The following PAPLN variants were observed in gnomAD, a reference collection of about 807,000 sequenced individuals.
PAPLN encodes papilin.
Under a neutral mutation model 159.0 loss-of-function variants are expected in PAPLN, and 146 were observed. The ratio of observed to expected loss-of-function variants is 0.92; its 90% confidence interval spans 0.80 to 1.05. The LOEUF (loss-of-function observed/expected upper bound fraction) is 1.05, where lower values mean the gene tolerates loss of function less well. Among genes scored for constraint, PAPLN ranks in the 50% least tolerant of loss-of-function variants. The probability of loss-of-function intolerance (pLI) is 0.00; values close to 1 mark genes in which losing one functional copy is unlikely to be tolerated. For missense variants in PAPLN, 1,720 were observed against 1,743.9 expected, an observed-to-expected ratio of 0.99 and a Z score of 0.24; for synonymous variants, 734 against 702.9, an observed-to-expected ratio of 1.04 and a Z score of -0.70.
intron 7 of PAPLN, 103 bp downstream of exon 7, chr14:73,251,133 A>G: frequency 6.7e-7 from 1 of 1,501,986 alleles, no homozygotes; most frequent in South Asian, 1.3e-5. Flanking sequence ...AGTGGCCCTC[A>G]TGGCACTGGA....
In PAPLN at chr14:73,272,569, C is replaced by G; in HGVS notation, c.3742C>G (p.Leu1248Val). The G allele has an allele frequency of 6.2e-7, 1 of 1,603,920 alleles. No homozygotes were observed. Among genetic ancestry groups the G allele is most frequent in the Non-Finnish European group, 8.5e-7 (1 of 1,171,506 alleles). Residue 1248 changes from leucine (L) to valine (V), a missense_variant, in exon 27 of 27, where the codon CTG becomes GTG. By Grantham distance (32) the Leu-to-Val change is conservative (BLOSUM62 1). Coordinates refer to ENST00000644200, the MANE Select transcript of PAPLN (RefSeq NM_001365906.3). The stretch of plus-strand genomic sequence containing the variant: ...AGAGCTGGCCAACTGTGATTTGATC[C>G]TGCAGGCCCAGCTTTGTGGCAATGA... Reference protein sequence around the residue: ...QPELANCDLILQAQLCGNEYY... With the variant: ...QPELANCDLIVQAQLCGNEYY...
At position 73,261,144 on chromosome 14, in the gene PAPLN, T is replaced by C. The variant is rs1412487773; in HGVS notation, c.2107-12T>C. 6.2e-7 allele frequency: 1 copy of C among 1,613,972 alleles called. No individual in the cohort carries two copies. Reference sequence around the variant, plus strand: ...CCACTGCCCACTTCCCAATCATGGGTTTCCTCCCCAGGTCCACAACACCCA... The same window carrying C: ...CCACTGCCCACTTCCCAATCATGGGCTTCCTCCCCAGGTCCACAACACCCA... On this transcript the variant is annotated splice_polypyrimidine_tract_variant and intron_variant, in intron 17 of 26. Coordinates refer to ENST00000644200, the MANE Select transcript of PAPLN (RefSeq NM_001365906.3).
rs58861559 is a variant in PAPLN at position 73,273,297 on chromosome 14, ATTTT to A, written c.*640_*643del. The A allele has an allele frequency of 8.0e-6, 1 of 125,306 alleles. No homozygotes were observed. The highest frequency in any genetic ancestry group is 1.7e-5 in the Non-Finnish European group (1 of 59,954). 7.8% of individuals were successfully genotyped at this position (125,306 alleles called of 1,614,324 possible). A position where few individuals can be genotyped will look rare whatever the true frequency, so the allele number is the denominator to read the frequency against. The stretch of plus-strand genomic sequence containing the variant: ...GCCCAGCCATCAATGCATTTTTTTT[ATTTT>A]TTTTTTGAGACAGAGTTTCGCACTT... On this transcript the variant is annotated 3_prime_UTR_variant, in exon 27 of 27. Transcript: ENST00000644200.
intron 5 of PAPLN, among the ~76,000 whole-genome samples, chr14:73,248,590 G>A (rs1337778372): frequency 1.3e-5 from 2 of 152,096 alleles, no homozygotes. Context: ...GATCACTTGA[G>A]TCCAGGAATT....
chr14:73,263,038 G>C (rs957766281), intron 19 of PAPLN: 1 of 448,176 alleles, frequency 2.2e-6, no homozygotes, highest in Non-Finnish European at 3.8e-6. Context: ...ATGTCTAATA[G>C]ACATCTGTGC....
rs1886319209 is a variant in PAPLN, at chr14:73,259,510, G to T, written c.1950G>T (p.Trp650Cys). The T allele has an allele frequency of 3.1e-6, 5 of 1,596,836 alleles. No individual in the cohort carries two copies. The highest frequency in any genetic ancestry group is 4.3e-6 in the Non-Finnish European group (5 of 1,171,386). The change falls in exon 16 of 27, where the codon TGG becomes TGT. Residue 650 changes from tryptophan (W) to cysteine (C), a missense_variant. By Grantham distance (215) the Trp-to-Cys change is radical. Coordinates refer to ENST00000644200, the MANE Select transcript of PAPLN (RefSeq NM_001365906.3). ...ACACGGCATCTCTCGGGCCTCAGTGGCAAGGCTGCCCTGGGGCCCCCTGTC... is the reference window on the plus strand; with the variant it reads ...ACACGGCATCTCTCGGGCCTCAGTGTCAAGGCTGCCCTGGGGCCCCCTGTC... ...DGHTASLGPQWQGCPGAPCQQ... is the reference protein window; with the variant it reads ...DGHTASLGPQCQGCPGAPCQQ...
chr14:73,263,158 C>T (rs564061344), intron 19 of PAPLN: 81 of 347,848 alleles, frequency 2.3e-4, no homozygotes, highest in Non-Finnish European at 3.9e-4. Context: ...CCAACTTCTC[C>T]AAGCCTCAGT....
In PAPLN at chr14:73,254,536, C is replaced by T. The variant is rs750029276; in HGVS notation, c.1326C>T (p.Gly442=). The T allele has an allele frequency of 1.2e-5, 20 of 1,613,998 alleles. No individual in the cohort carries two copies. The highest frequency in any genetic ancestry group is 2.2e-5 in the South Asian group (2 of 91,090). ...AGTGTTCTGTCAGTTGTGGCGTTGG[C>T]GTCCGGAAGCGGAGCGTTACTTGCC... is the stretch of plus-strand genomic sequence containing the variant. ...WGECSVSCGV[G]VRKRSVTCRG... Residue 442 remains glycine, a synonymous_variant, in exon 13 of 27, where the codon GGC becomes GGT. Transcript: ENST00000644200.
At chr14:73,272,343 G>A (rs1281863431) in intron 26 of PAPLN, 152 bp from the exon 27 acceptor site, 9 of 649,452 alleles carry the variant, frequency 1.4e-5, no homozygotes, top group South Asian at 3.3e-5. Context: ...GAGTTTGTAC[G>A]TATGGTTAAA....
intron 11 of PAPLN, 65 bp from the exon 12 acceptor site, chr14:73,253,689 A>C (rs1348443368): frequency 2.8e-6 from 4 of 1,451,102 alleles, no homozygotes; most frequent in Non-Finnish European, 3.7e-6. Context: ...GAGGGCAGAA[A>C]CCCTCAGGGC....
chr14:73,262,375 C>T lies in PAPLN; in HGVS notation c.2271C>T (p.Pro757=). The stretch of plus-strand genomic sequence containing the variant: ...CCTACCCCGTGCGGTGCCTGCTGCC[C>T]AGTGCCCATGGCTCTTGCGCAGACT... ...SHAYPVRCLL[P]SAHGSCADWA... Residue 757 remains proline (P), a synonymous_variant, in exon 19 of 27, where the codon CCC becomes CCT. Transcript: ENST00000644200. The T allele has an allele frequency of 6.2e-7, 1 of 1,613,520 alleles. No homozygotes were observed. The highest frequency in any genetic ancestry group is 8.5e-7 in the Non-Finnish European group (1 of 1,179,700).
chr14:73,262,976 C>A, intron 19 of PAPLN, 149 bp downstream of exon 19: 1 of 655,086 alleles, frequency 1.5e-6, no homozygotes, highest in Non-Finnish European at 2.3e-6. Context: ...GCCTTGTTGC[C>A]ATCATTCTAC....
At position 73,264,726 on chromosome 14, in the gene PAPLN, G is replaced by C. The variant is rs777168232; in HGVS notation, c.3125G>C (p.Arg1042Thr). The C allele has an allele frequency of 1.9e-6, 3 of 1,612,744 alleles. No individual in the cohort carries two copies. The South Asian group carries it at 3.3e-5, about 18-fold the overall frequency. Residue 1042 changes from arginine to threonine, a missense_variant and splice_region_variant, in exon 22 of 27, where the codon AGG (arginine) becomes ACG (threonine). Physicochemically the swap from Arg to Thr is moderately conservative, Grantham distance 71. Transcript: ENST00000644200. ...IPSSHPQPAN[R>T]LRLDQNQPRV... ...TCTTCACACCCACAGCCTGCAAACA[G>C]GTAAGAACTCAGCAATGCCATCTTG...
intron 5 of PAPLN, among the ~76,000 whole-genome samples, chr14:73,248,787 A>T (rs1276327014): frequency 1.3e-5 from 2 of 151,908 alleles, no homozygotes; most frequent in Non-Finnish European, 1.5e-5. Context: ...ACACCACTGC[A>T]CTCCAGCCCG....
intron 2 of PAPLN, among the ~76,000 whole-genome samples, chr14:73,241,932 G>T (rs61986930): frequency 0.056 from 8,595 of 152,308 alleles, 333 homozygotes; most frequent in Non-Finnish European, 0.089. Context: ...ACCCCTGAGT[G>T]GCTCCAGGTG....
intron 15 of PAPLN, 64 bp downstream of exon 15, chr14:73,259,123 A>G (rs1284992983): frequency 2.6e-6 from 4 of 1,554,538 alleles, no homozygotes; most frequent in East Asian, 2.3e-5. Context: ...TGGATGGTAC[A>G]TGGGGGTGTG....
upstream of PAPLN, among the ~76,000 whole-genome samples, chr14:73,235,995 A>T (rs1053238587): frequency 6.6e-6 from 1 of 152,208 alleles, no homozygotes; most frequent in Non-Finnish European, 1.5e-5. Flanking sequence ...CTTTGCCCAA[A>T]TGAGGCCAAG....
intron 25 of PAPLN, among the ~76,000 whole-genome samples, chr14:73,267,973 C>T (rs1003942409): frequency 3.3e-5 from 5 of 152,058 alleles, no homozygotes; most frequent in African/African-American, 7.3e-5. Flanking sequence ...GCAGTGGGGC[C>T]GCATGTCAGC....
Position 73,266,486 on chromosome 14 carries a change from G to T in PAPLN, c.3264-15G>T, listed in dbSNP as rs776273080. Reference sequence around the variant, plus strand: ...CTCCTTGGGCTGGAGCCAACTGGCTGTACTTGGTCCCCAGACACCAGCTGC... The same window carrying T: ...CTCCTTGGGCTGGAGCCAACTGGCTTTACTTGGTCCCCAGACACCAGCTGC... On this transcript the variant is annotated splice_polypyrimidine_tract_variant and intron_variant, in intron 23 of 26. Coordinates refer to ENST00000644200, the MANE Select transcript of PAPLN (RefSeq NM_001365906.3). 1 of 1,613,422 alleles carries T rather than the reference G, an allele frequency of 6.2e-7. No individual in the cohort carries two copies. The highest frequency in any genetic ancestry group is 1.1e-5 in the South Asian group (1 of 90,982).
Sources: gnomAD v4.1 joint callset for allele counts (sites outside exome capture counted in the v4.1 genomes callset) on GRCh38, gnomAD v4.1.1 for gene constraint, MANE v1.5 for transcripts, NCBI Gene and HGNC (gene_info 2026-07-23, HGNC 2026-07-21) for gene names.